Variants in CCSER1 observed in about 807,000 individuals in gnomAD.
CCSER1 encodes coiled-coil serine rich protein 1.
A neutral mutation model predicts 82.0 loss-of-function variants in CCSER1; 41 were observed. That is an observed-to-expected ratio of 0.50 (90% CI 0.39 to 0.65). The LOEUF is 0.65. Ranked by LOEUF, CCSER1 falls within the 30% of genes least tolerant of loss-of-function variation. The pLI, the probability that CCSER1 is intolerant of heterozygous loss-of-function variation, is 0.00. For synonymous variants in CCSER1, 414 were observed against 383.9 expected, an observed-to-expected ratio of 1.08 and a Z score of -0.92; for missense variants, 1,119 against 1,064.2, an observed-to-expected ratio of 1.05 and a Z score of -0.72.
chr4:90,170,608 G>A (rs912297780), intron 1 of CCSER1, among the ~76,000 whole-genome samples: 1 of 151,508 alleles, frequency 6.6e-6, no homozygotes, highest in African/African-American at 2.4e-5. Context: ...ACAAATAGAT[G>A]AGAACATATG....
chr4:91,262,949 G>A (rs540042246), intron 10 of CCSER1, among the ~76,000 whole-genome samples: 4 of 151,952 alleles, frequency 2.6e-5, no homozygotes, highest in Admixed American at 6.6e-5. Context: ...CCTTGCTCTG[G>A]TAATTAACAC....
In CCSER1 at chr4:91,179,459, C is replaced by G. The variant is rs1581720005; in HGVS notation, c.2217+93465C>G. 2.0e-5 allele frequency among the ~76,000 whole-genome samples: 3 copies of G among 152,184 alleles called. No homozygotes were observed. The South Asian group carries it at 6.2e-4, about 32-fold the overall frequency. ...TACACCAGTCAGACATAAGTTTGGTCTTTTCACATAGTCCCATATTTCTTG... is the reference window on the plus strand; with the variant it reads ...TACACCAGTCAGACATAAGTTTGGTGTTTTCACATAGTCCCATATTTCTTG... On this transcript the variant is annotated intron_variant, in intron 10 of 10. Coordinates refer to ENST00000509176, the MANE Select transcript of CCSER1 (RefSeq NM_001145065.2).
At chr4:91,050,699 G>A (rs1005138655) in intron 9 of CCSER1, among the ~76,000 whole-genome samples, 4 of 152,166 alleles carry the variant, frequency 2.6e-5, no homozygotes, top group African/African-American at 9.6e-5. Context: ...AAGGAAGCCT[G>A]AAGAACTATC....
chr4:90,135,629 G>C (rs760295399), intron 1 of CCSER1, among the ~76,000 whole-genome samples: 6 of 152,184 alleles, frequency 3.9e-5, no homozygotes, highest in Non-Finnish European at 8.8e-5. Context: ...TTACAGCTGT[G>C]CCTCTGGAGT....
chr4:90,329,990 A>G (rs1270116153), intron 3 of CCSER1, among the ~76,000 whole-genome samples: 1 of 152,184 alleles, frequency 6.6e-6, no homozygotes, highest in Non-Finnish European at 1.5e-5. Flanking sequence ...TATTCAAAAT[A>G]GGCAATAACT....
chr4:90,308,292 A>C lies in CCSER1; in HGVS notation c.8A>C (p.Asp3Ala). 1 of 1,574,754 alleles carries C rather than the reference A, an allele frequency of 6.4e-7. No individual in the cohort carries two copies. Among genetic ancestry groups the C allele is most frequent in the Non-Finnish European group, 8.6e-7 (1 of 1,160,210 alleles). MGDSGSRRSTLVS... is the reference protein window; with the variant it reads MGASGSRRSTLVS... ...GCAAGCCTTTGATTCCCAATGGGGGACTCAGGATCAAGACGATCTACCCTG... is the reference window on the plus strand; with the variant it reads ...GCAAGCCTTTGATTCCCAATGGGGGCCTCAGGATCAAGACGATCTACCCTG... The change falls in exon 2 of 11, where the codon GAC (aspartate) becomes GCC (alanine). Residue 3 changes from aspartate (D) to alanine (A), a missense_variant. Transcript: ENST00000509176.
rs1038990662 is a variant in CCSER1 at position 90,174,798 on chromosome 4, C to T, written c.-42+46967C>T. Among the ~76,000 whole-genome samples, 3 of 151,946 alleles carry T rather than the reference C, an allele frequency of 2.0e-5. No homozygotes were observed. The East Asian group carries it at 5.8e-4, about 29-fold the overall frequency. On this transcript the variant is annotated intron_variant, in intron 1 of 10. Coordinates refer to ENST00000509176, the MANE Select transcript of CCSER1 (RefSeq NM_001145065.2). ...ACTCACACAGGGCTAGAAATAGTACCTATTCCCACAAGTGGCAAACCTATT... is the reference window on the plus strand; with the variant it reads ...ACTCACACAGGGCTAGAAATAGTACTTATTCCCACAAGTGGCAAACCTATT...
intron 6 of CCSER1, among the ~76,000 whole-genome samples, chr4:90,692,035 GTATATATATATATA>G (rs60193331): frequency 4.2e-5 from 6 of 142,970 alleles, no homozygotes; most frequent in South Asian, 4.4e-4. Flanking sequence ...TTCAATGTGT[GTATATATATATATA>G]TATATATATA....
chr4:90,838,026 C>T (rs1762025106), intron 8 of CCSER1, among the ~76,000 whole-genome samples: 2 of 150,006 alleles, frequency 1.3e-5, no homozygotes, highest in Admixed American at 6.6e-5. Flanking sequence ...CTATTCTGTA[C>T]ACTTTATTGT....
At chr4:90,940,816 T>C (rs1024327030) in intron 9 of CCSER1, among the ~76,000 whole-genome samples, 34 of 152,238 alleles carry the variant, frequency 2.2e-4, no homozygotes, top group African/African-American at 7.5e-4. Flanking sequence ...CGAGTAACTT[T>C]CTCAAATTCA....
intron 10 of CCSER1, among the ~76,000 whole-genome samples, chr4:91,352,913 A>G (rs1390948561): frequency 6.6e-6 from 1 of 152,204 alleles, no homozygotes; most frequent in African/African-American, 2.4e-5. Context: ...TGAACATAGT[A>G]ATATACAATC....
intron 1 of CCSER1, among the ~76,000 whole-genome samples, chr4:90,276,921 G>A (rs974219431): frequency 2.0e-5 from 3 of 152,080 alleles, no homozygotes; most frequent in Admixed American, 1.3e-4. Flanking sequence ...TTGGTGTATA[G>A]GAATGCTAGT....
chr4:90,819,554 C>T (rs1759470882), intron 8 of CCSER1, among the ~76,000 whole-genome samples: 1 of 152,018 alleles, frequency 6.6e-6, no homozygotes, highest in Non-Finnish European at 1.5e-5. Flanking sequence ...GTAGATTTCA[C>T]AAAGCATAAA....
intron 3 of CCSER1, among the ~76,000 whole-genome samples, chr4:90,381,523 T>G (rs1370659962): frequency 2.0e-5 from 3 of 152,114 alleles, no homozygotes; most frequent in Non-Finnish European, 4.4e-5. Flanking sequence ...ATGTAACTAT[T>G]GAGAAGTTTT....
intron 1 of CCSER1, among the ~76,000 whole-genome samples, chr4:90,251,152 T>C (rs1722306689): frequency 6.6e-6 from 1 of 151,978 alleles, no homozygotes; most frequent in South Asian, 2.1e-4. Flanking sequence ...TCATTCCCTT[T>C]GCAAATAGAG....
intron 3 of CCSER1, among the ~76,000 whole-genome samples, chr4:90,393,688 T>G (rs1751524599): frequency 6.6e-6 from 1 of 152,080 alleles, no homozygotes; most frequent in Non-Finnish European, 1.5e-5. Flanking sequence ...AATGACTGTT[T>G]TAGTAATTTA....
chr4:90,471,652 T>C (rs537801994), intron 5 of CCSER1, among the ~76,000 whole-genome samples: 104 of 151,924 alleles, frequency 6.8e-4, no homozygotes, highest in African/African-American at 2.4e-3. Context: ...ATCAGTTTTG[T>C]GTATTTTGGA....
At chr4:90,278,305 A>G (rs1233737934) in intron 1 of CCSER1, among the ~76,000 whole-genome samples, 1 of 152,144 alleles carries the variant, frequency 6.6e-6, no homozygotes, top group African/African-American at 2.4e-5. Flanking sequence ...ACTACCATTC[A>G]ACCCAGCAAT....
chr4:90,576,555 C>T (rs918925222), intron 5 of CCSER1, among the ~76,000 whole-genome samples: 4 of 152,168 alleles, frequency 2.6e-5, no homozygotes, highest in Non-Finnish European at 4.4e-5. Context: ...CTAACAACCA[C>T]TGATGCTTTT....
Sources: gnomAD v4.1 joint callset for allele counts (sites outside exome capture counted in the v4.1 genomes callset) on GRCh38, gnomAD v4.1.1 for gene constraint, MANE v1.5 for transcripts, NCBI Gene and HGNC (gene_info 2026-07-23, HGNC 2026-07-21) for gene names.